DLC1: variants seen among roughly 807,000 people sequenced by gnomAD.
DLC1 encodes the protein DLC1 Rho GTPase activating protein.
In DLC1, 54 loss-of-function variants were observed where a neutral mutation model predicts 140.3. That is an observed-to-expected ratio of 0.38 (90% CI 0.31 to 0.48). The LOEUF is 0.48. DLC1 is among the 20% of genes least tolerant of loss of function. The pLI, the probability that DLC1 is intolerant of heterozygous loss-of-function variation, is 0.96. For synonymous variants in DLC1, 986 were observed against 728.1 expected, an observed-to-expected ratio of 1.35 and a Z score of -5.70; for missense variants, 2,536 against 1,907.0, an observed-to-expected ratio of 1.33 and a Z score of -6.14.
rs530054065 is a variant in DLC1 at position 13,280,269 on chromosome 8, C to T, written c.1348+25000G>A. Among the ~76,000 whole-genome samples the T allele has an allele frequency of 1.6e-4, 18 of 114,292 alleles. 1 individual carries two copies. Among genetic ancestry groups the T allele is most frequent in the South Asian group, 2.8e-4 (1 of 3,522 alleles). The allele number at this position is 114,292 out of a possible 152,430, so 75.0% of individuals were successfully genotyped here. ...CACCACTGCACTCCAGCCTGGGCAA[C>T]GGAGAGAGACTCCATCTCAAAAAAA... On this transcript the variant is annotated intron_variant, in intron 5 of 17. Coordinates refer to ENST00000276297, the MANE Select transcript of DLC1 (RefSeq NM_182643.3).
chr8:13,294,617 A>G (rs938054856), intron 5 of DLC1, among the ~76,000 whole-genome samples: 4 of 152,222 alleles, frequency 2.6e-5, no homozygotes, highest in Non-Finnish European at 4.4e-5. Context: ...GGTTGTTACC[A>G]TGACTACAGA....
At chr8:13,437,866 C>A (rs1226870643) in intron 2 of DLC1, among the ~76,000 whole-genome samples, 1 of 151,964 alleles carries the variant, frequency 6.6e-6, no homozygotes, top group Non-Finnish European at 1.5e-5. Context: ...TTGATGCTGA[C>A]ACAGCTTCTA....
At chr8:13,086,550 G>T in intron 16 of DLC1, 87 bp from the exon 17 acceptor site, 1 of 1,487,424 alleles carries the variant, frequency 6.7e-7, no homozygotes, top group Non-Finnish European at 9.1e-7. Flanking sequence ...TATTTGCAGT[G>T]TGGTGACGGG....
At chr8:13,549,722 A>G (rs1803779516) in intron 1 of DLC1, among the ~76,000 whole-genome samples, 1 of 152,126 alleles carries the variant, frequency 6.6e-6, no homozygotes, top group Non-Finnish European at 1.5e-5. Flanking sequence ...GTCATGCTAA[A>G]CTAATCTCCA....
chr8:13,539,740 ATGTGTGTGTATGTGTGTGTGTG>A (rs1377333418), intron 1 of DLC1, among the ~76,000 whole-genome samples: 2 of 115,864 alleles, frequency 1.7e-5, no homozygotes, highest in Admixed American at 1.0e-4. Context: ...GCATTAAGAA[ATGTGTGTGTATGTGTGTGTGTG>A]TGTGTGTGTG....
chr8:13,302,369 G>T (rs1385541243), intron 5 of DLC1, among the ~76,000 whole-genome samples: 1 of 152,130 alleles, frequency 6.6e-6, no homozygotes, highest in African/African-American at 2.4e-5. Flanking sequence ...TTTGTGAAAT[G>T]ACTGAATCCA....
intron 1 of DLC1, chr8:13,583,954 G>A: frequency 6.6e-6 from 1 of 152,390 alleles, no homozygotes; most frequent in Non-Finnish European, 1.5e-5. Context: ...CACTCACAGG[G>A]TCCAAGAGAG....
At chr8:13,164,306 A>G (rs915180247) in intron 5 of DLC1, among the ~76,000 whole-genome samples, 3 of 148,992 alleles carry the variant, frequency 2.0e-5, no homozygotes, top group African/African-American at 5.1e-5. Context: ...CAAAAAAAAA[A>G]AATCTCTATA....
chr8:13,219,567 A>G (rs1419468186), intron 5 of DLC1, among the ~76,000 whole-genome samples: 2 of 151,450 alleles, frequency 1.3e-5, no homozygotes, highest in African/African-American at 4.8e-5. Context: ...TTCTGACTCA[A>G]ATTCAAATTT....
At chr8:13,511,864 A>G (rs1044654119) in intron 1 of DLC1, among the ~76,000 whole-genome samples, 4 of 152,182 alleles carry the variant, frequency 2.6e-5, no homozygotes, top group Non-Finnish European at 5.9e-5. Flanking sequence ...AGAGGAAACA[A>G]AAAACAAACA....
At chr8:13,196,105 C>CAG (rs1248179976) in intron 5 of DLC1, among the ~76,000 whole-genome samples, 1 of 151,182 alleles carries the variant, frequency 6.6e-6, no homozygotes, top group Non-Finnish European at 1.5e-5. Flanking sequence ...TACACACACA[C>CAG]ACACACACAC....
chr8:13,168,769 T>C (rs1825269420), intron 5 of DLC1, among the ~76,000 whole-genome samples: 1 of 152,224 alleles, frequency 6.6e-6, no homozygotes, highest in Non-Finnish European at 1.5e-5. Flanking sequence ...CGACAGGCAT[T>C]AGATCTGTCA....
In DLC1 at chr8:13,393,718, A is replaced by G. The variant is rs139369186; in HGVS notation, c.1174-25T>C. On this transcript the variant is annotated intron_variant, in intron 3 of 17. Coordinates refer to ENST00000276297, the MANE Select transcript of DLC1 (RefSeq NM_182643.3). Reference sequence around the variant, plus strand: ...CCTATTAAAAAACAAATGCACTGGTATGAAGGACATGTGAATGTTCCCAAA... The same window carrying G: ...CCTATTAAAAAACAAATGCACTGGTGTGAAGGACATGTGAATGTTCCCAAA... 21 of 1,600,760 alleles carry G rather than the reference A, an allele frequency of 1.3e-5. No homozygotes were observed. In the African/African-American group the frequency reaches 2.1e-4, roughly 16 times the overall value.
rs186988491 is a variant in DLC1 at position 13,496,065 on chromosome 8, A to C, written c.1023+2984T>G. On this transcript the variant is annotated intron_variant, in intron 2 of 17. Coordinates refer to ENST00000276297, the MANE Select transcript of DLC1 (RefSeq NM_182643.3). ...CTTACGGGTATTACTATGGCTGACA[A>C]ACAGTTTTAAATATATAGACAATTA... is the stretch of plus-strand genomic sequence containing the variant. Among the ~76,000 whole-genome samples, 207 of 152,342 alleles carry C rather than the reference A, an allele frequency of 1.4e-3. 1 individual carries two copies. Among genetic ancestry groups the C allele is most frequent in the African/African-American group, 4.9e-3 (203 of 41,576 alleles).
At chr8:13,305,856 A>G (rs893645259) in intron 4 of DLC1, among the ~76,000 whole-genome samples, 2 of 150,322 alleles carry the variant, frequency 1.3e-5, no homozygotes, top group African/African-American at 2.5e-5. Context: ...AACTAACAAC[A>G]TTGGCAATAA....
At chr8:13,308,800 G>A (rs1258857761) in intron 4 of DLC1, among the ~76,000 whole-genome samples, 1 of 152,136 alleles carries the variant, frequency 6.6e-6, no homozygotes, top group Admixed American at 6.5e-5. Flanking sequence ...AAATGGAATG[G>A]TTTTCTTGGG....
intron 13 of DLC1, 40 bp downstream of exon 13, chr8:13,092,572 G>T (rs770025144): frequency 1.9e-6 from 3 of 1,580,688 alleles, no homozygotes; most frequent in East Asian, 4.7e-5. Flanking sequence ...AAGAATGTAG[G>T]CTGCCCCCTG....
intron 5 of DLC1, among the ~76,000 whole-genome samples, chr8:13,297,835 CTG>C (rs2117489319): frequency 6.6e-6 from 1 of 152,210 alleles, no homozygotes; most frequent in South Asian, 2.1e-4. Flanking sequence ...GATGATCAGA[CTG>C]GGAACAGTGG....
intron 1 of DLC1, among the ~76,000 whole-genome samples, chr8:13,561,615 T>A (rs901651857): frequency 6.6e-6 from 1 of 152,224 alleles, no homozygotes; most frequent in Non-Finnish European, 1.5e-5. Flanking sequence ...TTTATTAATT[T>A]ATTTATTTCT....
Sources: allele counts gnomAD v4.1 joint callset (sites outside exome capture counted in the v4.1 genomes callset), GRCh38; gene constraint gnomAD v4.1.1; transcripts MANE v1.5; gene names NCBI Gene and HGNC (gene_info 2026-07-23, HGNC 2026-07-21).